SCARA5: variants seen among roughly 807,000 people sequenced by gnomAD.
SCARA5 encodes scavenger receptor class A, member 5 (putative).
Under a neutral mutation model 46.3 loss-of-function variants are expected in SCARA5, and 45 were observed. The ratio of observed to expected loss-of-function variants is 0.97; its 90% CI spans 0.76 to 1.24. SCARA5 has a LOEUF of 1.24. Ranked by LOEUF, SCARA5 falls within the 50% of genes most tolerant of loss-of-function variation. The pLI, the probability that SCARA5 is intolerant of heterozygous loss-of-function variation, is 0.00. For missense variants in SCARA5, 680 were observed against 689.0 expected, an observed-to-expected ratio of 0.99 and a Z score of 0.15; for synonymous variants, 333 against 306.5, an observed-to-expected ratio of 1.09 and a Z score of -0.90.
At chr8:27,932,024 G>A (rs1436310131) in intron 3 of SCARA5, among the ~76,000 whole-genome samples, 2 of 151,782 alleles carry the variant, frequency 1.3e-5, no homozygotes, top group African/African-American at 4.8e-5. Flanking sequence ...TGTCACCCAG[G>A]CTGGAGTGCA....
chr8:27,990,104 G>T (rs1034584670), intron 1 of SCARA5, among the ~76,000 whole-genome samples: 2 of 152,320 alleles, frequency 1.3e-5, no homozygotes, highest in East Asian at 1.9e-4. Context: ...CTCCTGGGAC[G>T]GGGCTGGAAT....
intron 7 of SCARA5, among the ~76,000 whole-genome samples, chr8:27,894,108 G>A (rs1322571081): frequency 6.6e-6 from 1 of 152,246 alleles, no homozygotes; most frequent in Non-Finnish European, 1.5e-5. Flanking sequence ...GTCCCGTCGT[G>A]CACAGGCTGG....
intron 4 of SCARA5, among the ~76,000 whole-genome samples, chr8:27,911,059 G>A (rs1372010405): frequency 1.3e-5 from 2 of 152,160 alleles, no homozygotes; most frequent in Non-Finnish European, 2.9e-5. Context: ...CTTCTTGCCA[G>A]CCATTGTCGC....
Position 27,991,879 on chromosome 8 carries a change from A to G in SCARA5, c.-16+378T>C, listed in dbSNP as rs1808792027. Among the ~76,000 whole-genome samples the G allele has an allele frequency of 4.0e-5, 6 of 149,724 alleles. No homozygotes were observed. The South Asian group carries it at 1.3e-3, about 31-fold the overall frequency. On this transcript the variant is annotated intron_variant, in intron 1 of 8. Transcript: ENST00000354914. ...CACACATGCACACACACACACATGC[A>G]CACACACACATGCACACACACACAT...
intron 3 of SCARA5, among the ~76,000 whole-genome samples, chr8:27,948,644 A>G (rs558357155): frequency 4.5e-4 from 68 of 152,324 alleles, no homozygotes; most frequent in Non-Finnish European, 8.1e-4. Context: ...TTGGTGGGTA[A>G]CATTCCCCAG....
chr8:27,923,385 T>C (rs750548004), intron 3 of SCARA5, among the ~76,000 whole-genome samples: 2 of 152,180 alleles, frequency 1.3e-5, no homozygotes, highest in South Asian at 2.1e-4. Context: ...AGGGGCAACA[T>C]GAGAAGAAAC....
chr8:27,905,538 A>AGGGTGGGG (rs1563519490), intron 6 of SCARA5, among the ~76,000 whole-genome samples: 1 of 36,564 alleles, frequency 2.7e-5, no homozygotes, highest in Non-Finnish European at 9.1e-5. Context: ...GGGGGAAAAA[A>AGGGTGGGG]AAAAGGCAGC....
At chr8:27,893,259 G>A (rs1456405202) in intron 7 of SCARA5, among the ~76,000 whole-genome samples, 2 of 152,236 alleles carry the variant, frequency 1.3e-5, no homozygotes, top group African/African-American at 2.4e-5. Flanking sequence ...GCAGAAGACC[G>A]GCTCCTGCTG....
intron 6 of SCARA5, among the ~76,000 whole-genome samples, chr8:27,905,851 C>T (rs1458752586): frequency 6.6e-6 from 1 of 151,938 alleles, no homozygotes; most frequent in African/African-American, 2.4e-5. Flanking sequence ...GCTGGGATCA[C>T]AGGTGTGCCC....
At chr8:27,953,408 C>T (rs1808160910) in intron 3 of SCARA5, among the ~76,000 whole-genome samples, 1 of 152,224 alleles carries the variant, frequency 6.6e-6, no homozygotes, top group Non-Finnish European at 1.5e-5. Context: ...TGTCCAGCCC[C>T]TCAGGTAGAG....
At chr8:27,959,464 A>C (rs377749179) in intron 3 of SCARA5, among the ~76,000 whole-genome samples, 30 of 152,100 alleles carry the variant, frequency 2.0e-4, no homozygotes, top group African/African-American at 7.0e-4. Flanking sequence ...AGGCAGTGGG[A>C]GGACAGCTGT....
At chr8:27,947,160 C>T (rs184480035) in intron 3 of SCARA5, among the ~76,000 whole-genome samples, 1 of 152,186 alleles carries the variant, frequency 6.6e-6, no homozygotes, top group East Asian at 1.9e-4. Context: ...TATAGGTATG[C>T]ACTACCACGT....
intron 7 of SCARA5, 81 bp downstream of exon 7, chr8:27,904,697 C>G (rs755572582): frequency 1.5e-6 from 2 of 1,310,082 alleles, no homozygotes; most frequent in East Asian, 4.6e-5. Context: ...GCCTCTGAAC[C>G]TCCAAACTTA....
At chr8:27,900,150 CA>C (rs890530813) in intron 7 of SCARA5, among the ~76,000 whole-genome samples, 1 of 149,650 alleles carries the variant, frequency 6.7e-6, no homozygotes, top group Non-Finnish European at 1.5e-5. Flanking sequence ...AAAAAAAAAC[CA>C]AAAAAACAAA....
chr8:27,971,973 G>A (rs1808453591), intron 2 of SCARA5, among the ~76,000 whole-genome samples: 1 of 152,124 alleles, frequency 6.6e-6, no homozygotes, highest in Admixed American at 6.5e-5. Flanking sequence ...TCTTTGGAAG[G>A]AAACTTTATC....
chr8:27,904,471 T>C (rs948786366), intron 7 of SCARA5: 1 of 518,346 alleles, frequency 1.9e-6, no homozygotes, highest in Non-Finnish European at 3.4e-6. Flanking sequence ...ATCCCTATTT[T>C]ATAGATGAGA....
At chr8:27,911,702 G>C (rs1461424110) in intron 4 of SCARA5, among the ~76,000 whole-genome samples, 3 of 150,300 alleles carry the variant, frequency 2.0e-5, no homozygotes, top group Non-Finnish European at 4.4e-5. Context: ...CAAAAAAAAA[G>C]AAAGAAGAAA....
intron 7 of SCARA5, among the ~76,000 whole-genome samples, chr8:27,886,645 C>T (rs917157453): frequency 6.6e-6 from 1 of 152,204 alleles, no homozygotes; most frequent in Non-Finnish European, 1.5e-5. Context: ...CTTGGGGAAT[C>T]ACCAACGCCC....
At chr8:27,919,902 C>T (rs748437062) in intron 4 of SCARA5, among the ~76,000 whole-genome samples, 9 of 148,858 alleles carry the variant, frequency 6.0e-5, no homozygotes, top group Non-Finnish European at 7.4e-5. Context: ...ACTAGATGCT[C>T]GCAATGGTAT....
Sources: gnomAD v4.1 joint callset for allele counts (sites outside exome capture counted in the v4.1 genomes callset) on GRCh38, gnomAD v4.1.1 for gene constraint, MANE v1.5 for transcripts, NCBI Gene and HGNC (gene_info 2026-07-23, HGNC 2026-07-21) for gene names.